EXOC6B: variants seen among roughly 807,000 people sequenced by gnomAD.
The protein encoded by EXOC6B is exocyst complex component 6B.
A neutral mutation model predicts 113.5 loss-of-function variants in EXOC6B; 54 were observed. The ratio of observed to expected loss-of-function variants is 0.48; its 90% CI spans 0.38 to 0.60. The LOEUF is 0.60. EXOC6B is among the 20% of genes least tolerant of loss of function. The probability of loss-of-function intolerance (pLI) is 0.00; values close to 1 mark genes in which losing one functional copy is unlikely to be tolerated. For synonymous variants in EXOC6B, 357 were observed against 339.0 expected (o/e 1.05, Z -0.58); for missense variants, 797 against 977.5 (o/e 0.82, Z 2.46).
intron 20 of EXOC6B, among the ~76,000 whole-genome samples, chr2:72,264,981 G>A (rs1254642307): frequency 6.6e-6 from 1 of 152,062 alleles, no homozygotes; most frequent in Non-Finnish European, 1.5e-5. Context: ...ACCACAGAGA[G>A]TGAGGTAGCT....
At chr2:72,432,149 G>C (rs894025682) in intron 18 of EXOC6B, among the ~76,000 whole-genome samples, 21 of 151,664 alleles carry the variant, frequency 1.4e-4, no homozygotes, top group African/African-American at 4.1e-4. Flanking sequence ...CGATTCCCCT[G>C]CCTCAGCCTC....
intron 6 of EXOC6B, among the ~76,000 whole-genome samples, chr2:72,650,009 T>C (rs988661283): frequency 6.6e-6 from 1 of 152,220 alleles, no homozygotes; most frequent in African/African-American, 2.4e-5. Flanking sequence ...TACCGGTCCA[T>C]AGCCTGTTAG....
chr2:72,405,746 A>T (rs1222055749), intron 18 of EXOC6B, among the ~76,000 whole-genome samples: 2 of 152,232 alleles, frequency 1.3e-5, no homozygotes, highest in South Asian at 2.1e-4. Flanking sequence ...CACTGCAAAA[A>T]CATGCCAAAT....
chr2:72,401,582 C>CGTGT (rs1553397954), intron 18 of EXOC6B, among the ~76,000 whole-genome samples: 1 of 18,432 alleles, frequency 5.4e-5, no homozygotes, highest in East Asian at 1.4e-3. Flanking sequence ...TATATATATA[C>CGTGT]ATATATATAT....
chr2:72,463,816 A>C (rs1697863140), intron 18 of EXOC6B: 1 of 152,156 alleles, frequency 6.6e-6, no homozygotes, highest in African/African-American at 2.4e-5. Context: ...AATCCCATAG[A>C]CTGGTAGCTT....
chr2:72,666,824 A>ACACAG (rs376270262), intron 6 of EXOC6B, among the ~76,000 whole-genome samples: 2 of 135,244 alleles, frequency 1.5e-5, no homozygotes, highest in Admixed American at 7.2e-5. Flanking sequence ...CACACACACA[A>ACACAG]AGAAATGCCT....
intron 18 of EXOC6B, among the ~76,000 whole-genome samples, chr2:72,430,653 G>GA (rs1170041720): frequency 5.9e-5 from 9 of 151,906 alleles, no homozygotes; most frequent in Admixed American, 5.2e-4. Context: ...TCTCAAAAAA[G>GA]AAAAAACAAT....
At chr2:72,253,553 A>G (rs1367041675) in intron 20 of EXOC6B, among the ~76,000 whole-genome samples, 1 of 152,208 alleles carries the variant, frequency 6.6e-6, no homozygotes, top group Non-Finnish European at 1.5e-5. Context: ...AGCAACCTGG[A>G]TGGAGCTGGA....
intron 20 of EXOC6B, among the ~76,000 whole-genome samples, chr2:72,223,144 G>A (rs1680982061): frequency 6.6e-6 from 1 of 152,118 alleles, no homozygotes; most frequent in African/African-American, 2.4e-5. Context: ...AAATGTAGAA[G>A]GAGCCCAACA....
chr2:72,481,509 C>G (rs553635658), intron 16 of EXOC6B, among the ~76,000 whole-genome samples: 1 of 152,196 alleles, frequency 6.6e-6, no homozygotes, highest in South Asian at 2.1e-4. Flanking sequence ...AAAATGGCAA[C>G]AAGACGTTTC....
chr2:72,196,874 TA>T (rs1679206935), intron 20 of EXOC6B, among the ~76,000 whole-genome samples: 1 of 152,122 alleles, frequency 6.6e-6, no homozygotes, highest in Non-Finnish European at 1.5e-5. Context: ...AATAAATAGA[TA>T]AAAAGTGTTC....
At chr2:72,735,772 T>C (rs951619844) in intron 2 of EXOC6B, among the ~76,000 whole-genome samples, 3 of 151,818 alleles carry the variant, frequency 2.0e-5, no homozygotes, top group South Asian at 2.1e-4. Flanking sequence ...GGGGTGGAGA[T>C]TGCAGTGAGC....
chr2:72,688,308 G>A (rs1307817400), intron 6 of EXOC6B, among the ~76,000 whole-genome samples: 1 of 152,150 alleles, frequency 6.6e-6, no homozygotes, highest in Admixed American at 6.5e-5. Flanking sequence ...GAGGACCCCA[G>A]AAAGGATAAG....
intron 20 of EXOC6B, among the ~76,000 whole-genome samples, chr2:72,244,889 A>G (rs1046040424): frequency 6.6e-6 from 1 of 152,188 alleles, no homozygotes; most frequent in South Asian, 2.1e-4. Context: ...TATCATTTAC[A>G]TTTGTCACTC....
rs1333213822 is a variant in EXOC6B, at chr2:72,741,455, C to A, written c.128G>T (p.Gly43Val). 1.9e-6 allele frequency: 3 copies of A among 1,609,446 alleles called. No individual in the cohort carries two copies. The South Asian group carries it at 3.3e-5, about 18-fold the overall frequency. The change falls in exon 2 of 22, where the codon GGT (glycine) becomes GTT (valine). Residue 43 changes from glycine to valine, a missense_variant. Gly to Val is a moderately radical substitution (Grantham distance 109). Coordinates refer to ENST00000272427, the MANE Select transcript of EXOC6B (RefSeq NM_015189.3). The part of the protein sequence containing the change: ...IGPTLRSVYD[G>V]EEHGRFMEKL... ...CTCCATGAAACGTCCATGTTCTTCA[C>A]CATCATAAACAGACCTTTAAAAAAA...
Position 72,405,407 on chromosome 2 carries a change from C to T in EXOC6B, c.1981-25537G>A, listed in dbSNP as rs190428334. Reference sequence around the variant, plus strand: ...CTCCAAGACACATAATTGTCAGATTCACCGAAGTTCAAATGAAGGACAAAA... The same window carrying T: ...CTCCAAGACACATAATTGTCAGATTTACCGAAGTTCAAATGAAGGACAAAA... On this transcript the variant is annotated intron_variant, in intron 18 of 21. Transcript: ENST00000272427. 3.5e-3 allele frequency among the ~76,000 whole-genome samples: 526 copies of T among 152,248 alleles called. 4 individuals carry two copies. The highest frequency in any genetic ancestry group is 0.01 in the Admixed American group (155 of 15,302).
intron 19 of EXOC6B, among the ~76,000 whole-genome samples, chr2:72,369,037 T>C (rs1484952559): frequency 6.6e-6 from 1 of 152,042 alleles, no homozygotes; most frequent in Non-Finnish European, 1.5e-5. Context: ...GGAGAATGAA[T>C]TAAAGGGTAT....
intron 8 of EXOC6B, among the ~76,000 whole-genome samples, chr2:72,545,074 AC>A (rs768104013): frequency 6.6e-6 from 1 of 152,182 alleles, no homozygotes; most frequent in Non-Finnish European, 1.5e-5. Context: ...TACTACAGTT[AC>A]ATAAAATTAA....
chr2:72,218,187 C>T lies in EXOC6B; in HGVS notation c.2197-34000G>A, dbSNP rs576536732. On this transcript the variant is annotated intron_variant, in intron 20 of 21. Coordinates refer to ENST00000272427, the MANE Select transcript of EXOC6B (RefSeq NM_015189.3). ...CCTTTTGTCAACTATACCTCATAAA[C>T]GCATTTGTGGATGTGCACAGTAAGG... Among the ~76,000 whole-genome samples, 6 of 152,270 alleles carry T rather than the reference C, an allele frequency of 3.9e-5. No individual in the cohort carries two copies. The East Asian group carries it at 7.7e-4, about 20-fold the overall frequency.
Sources: allele counts gnomAD v4.1 joint callset (sites outside exome capture counted in the v4.1 genomes callset), GRCh38; gene constraint gnomAD v4.1.1; transcripts MANE v1.5; gene names NCBI Gene and HGNC (gene_info 2026-07-23, HGNC 2026-07-21).